Variants in KCNH7 observed in about 807,000 individuals in gnomAD.
The protein encoded by KCNH7 is voltage-gated inwardly rectifying potassium channel KCNH7.
Under a neutral mutation model 120.8 loss-of-function variants are expected in KCNH7, and 49 were observed. The ratio of observed to expected loss-of-function variants is 0.41; its 90% CI spans 0.32 to 0.51. The LOEUF is 0.51. Among genes scored for constraint, KCNH7 ranks in the 20% least tolerant of loss-of-function variants. The pLI, the probability that KCNH7 is intolerant of heterozygous loss-of-function variation, is 0.38. For synonymous variants in KCNH7, 547 were observed against 516.1 expected (o/e 1.06, Z -0.81); for missense variants, 1,097 against 1,446.6 (o/e 0.76, Z 3.92).
In KCNH7 at chr2:162,558,420, C is replaced by CGCCTCG. The variant is rs1445867067; in HGVS notation, c.308-21346_308-21341dup. 3.3e-5 allele frequency among the ~76,000 whole-genome samples: 5 copies of CGCCTCG among 151,752 alleles called. No individual in the cohort carries two copies. The East Asian group carries it at 9.7e-4, about 30-fold the overall frequency. On this transcript the variant is annotated intron_variant, in intron 2 of 15. Transcript: ENST00000332142. ...CGATCTCCTGACCTTGTGATCCATC[C>CGCCTCG]GCCTCGGCCTCCCAAAGTGCTGGGA...
intron 6 of KCNH7, among the ~76,000 whole-genome samples, chr2:162,492,665 T>C (rs1307366290): frequency 6.6e-6 from 1 of 152,158 alleles, no homozygotes; most frequent in African/African-American, 2.4e-5. Context: ...ATAACCTTAG[T>C]TGAGGCTTAT....
intron 2 of KCNH7, among the ~76,000 whole-genome samples, chr2:162,550,232 G>A (rs906694498): frequency 6.6e-6 from 1 of 152,174 alleles, no homozygotes; most frequent in Non-Finnish European, 1.5e-5. Context: ...GACCTCTCTA[G>A]GAAAGAATTG....
At chr2:162,429,864 AT>A (rs1688008166) in intron 8 of KCNH7, among the ~76,000 whole-genome samples, 1 of 151,492 alleles carries the variant, frequency 6.6e-6, no homozygotes, top group Non-Finnish European at 1.5e-5. Context: ...AATTTCTATC[AT>A]TAAAAAAACA....
intron 2 of KCNH7, among the ~76,000 whole-genome samples, chr2:162,641,539 A>T (rs1684156220): frequency 1.3e-5 from 2 of 150,510 alleles, no homozygotes; most frequent in African/African-American, 5.0e-5. Flanking sequence ...ACATAGTGAG[A>T]CCTTCTCTGT....
intron 2 of KCNH7, among the ~76,000 whole-genome samples, chr2:162,602,743 T>C (rs909466100): frequency 6.6e-6 from 1 of 152,014 alleles, no homozygotes; most frequent in Admixed American, 6.6e-5. Flanking sequence ...TATTGAACTG[T>C]GGTTTTGTAT....
At chr2:162,373,736 A>AT in intron 14 of KCNH7, 74 bp from the exon 15 acceptor site, 1 of 1,013,870 alleles carries the variant, frequency 9.9e-7, no homozygotes, top group Non-Finnish European at 1.3e-6. Flanking sequence ...AAAAAATTTC[A>AT]GCACTACCAA....
intron 2 of KCNH7, among the ~76,000 whole-genome samples, chr2:162,637,535 A>G (rs774568559): frequency 2.6e-5 from 4 of 152,110 alleles, no homozygotes; most frequent in Non-Finnish European, 5.9e-5. Context: ...ATCGTACATC[A>G]TGGTGACAAT....
chr2:162,454,221 T>G (rs898826467), intron 6 of KCNH7, among the ~76,000 whole-genome samples: 1 of 151,632 alleles, frequency 6.6e-6, no homozygotes, highest in Admixed American at 6.6e-5. Flanking sequence ...AATCCTTTCC[T>G]CATTGCTTTG....
intron 2 of KCNH7, among the ~76,000 whole-genome samples, chr2:162,756,427 T>C (rs1220275249): frequency 6.6e-6 from 1 of 152,100 alleles, no homozygotes. Flanking sequence ...TTATATTACA[T>C]CTGAGGAAAA....
intron 2 of KCNH7, among the ~76,000 whole-genome samples, chr2:162,662,270 G>GGAAAA (rs201724226): frequency 0.013 from 2,005 of 151,768 alleles, 47 homozygotes; most frequent in East Asian, 0.11. Context: ...CTCAAAAAAA[G>GGAAAA]GAAAAGAAAA....
At chr2:162,581,131 A>AT (rs1693852441) in intron 2 of KCNH7, among the ~76,000 whole-genome samples, 1 of 152,048 alleles carries the variant, frequency 6.6e-6, no homozygotes, top group Non-Finnish European at 1.5e-5. Context: ...CGCAACTGAA[A>AT]TTTGATAGAT....
At chr2:162,777,722 C>T in intron 2 of KCNH7, among the ~76,000 whole-genome samples, 1 of 152,040 alleles carries the variant, frequency 6.6e-6, no homozygotes, top group East Asian at 1.9e-4. Context: ...AAGCACTTAC[C>T]AACAGCCTTA....
chr2:162,780,953 AGAGAT>A (rs1201172998), intron 2 of KCNH7, among the ~76,000 whole-genome samples: 3 of 152,188 alleles, frequency 2.0e-5, no homozygotes. Flanking sequence ...GTTTAATTTA[AGAGAT>A]AATTCACTAG....
At chr2:162,752,973 GAAAAGAAAAGA>G (rs1688640548) in intron 2 of KCNH7, among the ~76,000 whole-genome samples, 1 of 111,330 alleles carries the variant, frequency 9.0e-6, no homozygotes, top group African/African-American at 6.1e-5. Context: ...GAAAAGAAAA[GAAAAGAAAAGA>G]AAAGAAAAGA....
At chr2:162,787,080 C>G (rs550204367) in intron 2 of KCNH7, among the ~76,000 whole-genome samples, 1 of 152,214 alleles carries the variant, frequency 6.6e-6, no homozygotes, top group Non-Finnish European at 1.5e-5. Context: ...CAGTATCAGG[C>G]CTTCTCCAGT....
chr2:162,740,889 C>A (rs1181674435), intron 2 of KCNH7, among the ~76,000 whole-genome samples: 2 of 152,250 alleles, frequency 1.3e-5, no homozygotes, highest in African/African-American at 4.8e-5. Context: ...CAGTGTGTAC[C>A]TCTAAAGTAC....
chr2:162,805,813 A>G (rs1684520024), intron 2 of KCNH7, among the ~76,000 whole-genome samples: 1 of 152,292 alleles, frequency 6.6e-6, no homozygotes, highest in East Asian at 1.9e-4. Flanking sequence ...TCAAAATTGC[A>G]AAGATATGGA....
intron 2 of KCNH7, among the ~76,000 whole-genome samples, chr2:162,833,200 T>G (rs1685539351): frequency 6.6e-6 from 1 of 152,184 alleles, no homozygotes; most frequent in South Asian, 2.1e-4. Flanking sequence ...CCTGAAGGGG[T>G]TTAGCACTTA....
At chr2:162,732,780 T>C (rs1417911474) in intron 2 of KCNH7, among the ~76,000 whole-genome samples, 2 of 152,220 alleles carry the variant, frequency 1.3e-5, no homozygotes, top group East Asian at 3.8e-4. Flanking sequence ...TTATGCCTGT[T>C]AGAAATAGAA....
Sources: gnomAD v4.1 joint callset for allele counts (sites outside exome capture counted in the v4.1 genomes callset) on GRCh38, gnomAD v4.1.1 for gene constraint, MANE v1.5 for transcripts, NCBI Gene and HGNC (gene_info 2026-07-23, HGNC 2026-07-21) for gene names.